MCTP2: variants seen among roughly 807,000 people sequenced by gnomAD.
MCTP2 encodes multiple C2 and transmembrane domain-containing protein 2.
Under a neutral mutation model 111.6 loss-of-function variants are expected in MCTP2, and 132 were observed. The observed-to-expected ratio is 1.18, with a 90% CI of 1.03 to 1.37. MCTP2 has a LOEUF of 1.37. Among genes scored for constraint, MCTP2 ranks in the 40% most tolerant of loss-of-function variants. The pLI is 0.00. For missense variants in MCTP2, 1,183 were observed against 1,067.9 expected, an observed-to-expected ratio of 1.11 and a Z score of -1.50; for synonymous variants, 395 against 387.7, an observed-to-expected ratio of 1.02 and a Z score of -0.22.
intron 12 of MCTP2, among the ~76,000 whole-genome samples, chr15:94,380,944 G>A (rs1285264484): frequency 6.6e-6 from 1 of 152,194 alleles, no homozygotes; most frequent in East Asian, 1.9e-4. Flanking sequence ...AATAGCAAAG[G>A]CTATTGAGTG....
In MCTP2 at chr15:94,482,784, C is replaced by T. The variant is rs1033495295; in HGVS notation, c.*3750C>T. The T allele has an allele frequency of 1.2e-4, 18 of 152,108 alleles. No individual in the cohort carries two copies. Among genetic ancestry groups the T allele is most frequent in the African/African-American group, 3.9e-4 (16 of 41,432 alleles). The allele number at this position is 152,108 out of a possible 1,614,324, so 9.4% of individuals were successfully genotyped here. On this transcript the variant is annotated 3_prime_UTR_variant, in exon 23 of 23. Transcript: ENST00000357742. ...AGTCAGTTAAGAGTGTAAATAGAAA[C>T]GGGTAAATACAGAGGAGAAAAACAG...
At chr15:94,422,790 T>A (rs1474793168) in intron 17 of MCTP2, among the ~76,000 whole-genome samples, 1 of 152,192 alleles carries the variant, frequency 6.6e-6, no homozygotes, top group Non-Finnish European at 1.5e-5. Flanking sequence ...GAAGCCTTTT[T>A]AAATTTTTAC....
intron 16 of MCTP2, 120 bp downstream of exon 16, chr15:94,400,115 C>A: frequency 2.6e-6 from 2 of 756,208 alleles, no homozygotes; most frequent in East Asian, 2.6e-5. Flanking sequence ...CCTCCTCTCT[C>A]CCTCTTGCCC....
chr15:94,382,816 T>C (rs1027456943), intron 12 of MCTP2, among the ~76,000 whole-genome samples: 8 of 152,254 alleles, frequency 5.3e-5, no homozygotes, highest in African/African-American at 1.9e-4. Context: ...AGTGCCAGTG[T>C]GCTGCAGACG....
rs1408111916 is a variant in MCTP2, at chr15:94,350,341, A to C, written c.1005+5177A>C. On this transcript the variant is annotated intron_variant, in intron 8 of 22. Coordinates refer to ENST00000357742, the MANE Select transcript of MCTP2 (RefSeq NM_001385001.1). ...GGTGGCTCATGCCTGTAATCCCAGC[A>C]CTTTGGGAGGCCGAGTCAGGTGGAT... Among the ~76,000 whole-genome samples the C allele has an allele frequency of 2.0e-5, 3 of 152,200 alleles. No individual in the cohort carries two copies. The East Asian group carries it at 5.8e-4, about 29-fold the overall frequency.
chr15:94,291,589 G>A (rs867236677), intron 1 of MCTP2, among the ~76,000 whole-genome samples: 45 of 149,328 alleles, frequency 3.0e-4, no homozygotes, highest in African/African-American at 5.9e-4. Context: ...CTACAAGAGC[G>A]AAACTCTGTC....
chr15:94,245,336 GTAGA>G (rs1292814054), intron 1 of MCTP2, among the ~76,000 whole-genome samples: 2 of 136,298 alleles, frequency 1.5e-5, no homozygotes, highest in Admixed American at 7.7e-5. Context: ...ATACATATGT[GTAGA>G]TATTTACATA....
At chr15:94,253,731 CTCT>C (rs989362017) in intron 1 of MCTP2, among the ~76,000 whole-genome samples, 9 of 145,964 alleles carry the variant, frequency 6.2e-5, no homozygotes, top group Non-Finnish European at 1.2e-4. Flanking sequence ...CTTAAAGTCT[CTCT>C]TTTTTTTTTT....
chr15:94,314,606 G>T (rs17712466), intron 3 of MCTP2: 169,246 of 541,960 alleles, frequency 0.31, 27,710 homozygotes, highest in Admixed American at 0.45. Flanking sequence ...GATAAAGCCA[G>T]TTTGAAGTGC....
intron 1 of MCTP2, chr15:94,273,613 A>G (rs990387200): frequency 4.4e-5 from 9 of 202,320 alleles, no homozygotes; most frequent in Non-Finnish European, 7.6e-5. Context: ...AGAGCTGAGC[A>G]GAAATACAAT....
chr15:94,285,685 A>G (rs1348782715), intron 1 of MCTP2, among the ~76,000 whole-genome samples: 1 of 152,204 alleles, frequency 6.6e-6, no homozygotes, highest in Non-Finnish European at 1.5e-5. Context: ...CCGAAACCCT[A>G]GCTCCTTCCT....
intron 4 of MCTP2, among the ~76,000 whole-genome samples, chr15:94,332,467 G>A (rs755527135): frequency 1.3e-5 from 2 of 152,030 alleles, no homozygotes; most frequent in South Asian, 2.1e-4. Context: ...AAATATATAC[G>A]TTTTATATGT....
intron 1 of MCTP2, among the ~76,000 whole-genome samples, chr15:94,234,362 T>C (rs1011816589): frequency 6.6e-6 from 1 of 152,246 alleles, no homozygotes; most frequent in Non-Finnish European, 1.5e-5. Context: ...TCTGCCTGTT[T>C]CTGTGGAGAT....
At chr15:94,402,346 A>T in intron 17 of MCTP2, 1 of 1,448,786 alleles carries the variant, frequency 6.9e-7, no homozygotes, top group Admixed American at 2.8e-5. Flanking sequence ...TGGCATCTGA[A>T]AAATCACAGG....
In MCTP2 at chr15:94,351,299, G is replaced by C. The variant is rs193137899; in HGVS notation, c.1006-4838G>C. On this transcript the variant is annotated intron_variant, in intron 8 of 22. Transcript: ENST00000357742. ...CTGCAGAGAAGAATTTTCCCTGGGAGCCTGTTCCATGGATGTATGGATCTT... is the reference window on the plus strand; with the variant it reads ...CTGCAGAGAAGAATTTTCCCTGGGACCCTGTTCCATGGATGTATGGATCTT... Among the ~76,000 whole-genome samples, 789 of 152,298 alleles carry C rather than the reference G, an allele frequency of 5.2e-3. 4 individuals are homozygous for C. The highest frequency in any genetic ancestry group is 8.4e-3 in the Non-Finnish European group (568 of 68,012).
chr15:94,276,040 T>G (rs574996240), intron 1 of MCTP2, among the ~76,000 whole-genome samples: 1 of 152,002 alleles, frequency 6.6e-6, no homozygotes, highest in African/African-American at 2.4e-5. Flanking sequence ...GAGATGGGAT[T>G]TCACCGTGTT....
chr15:94,418,467 G>C (rs536983329), intron 17 of MCTP2, among the ~76,000 whole-genome samples: 23 of 152,042 alleles, frequency 1.5e-4, no homozygotes, highest in Non-Finnish European at 2.4e-4. Context: ...ACTTTCAACT[G>C]CTCAATTACC....
At chr15:94,447,370 CATTT>C (rs768163792) in intron 19 of MCTP2, among the ~76,000 whole-genome samples, 2 of 151,946 alleles carry the variant, frequency 1.3e-5, no homozygotes, top group Non-Finnish European at 2.9e-5. Flanking sequence ...GTCTATAATT[CATTT>C]GTGTGTGTGT....
chr15:94,314,918 A>G (rs1008561354), intron 3 of MCTP2: 34 of 364,742 alleles, frequency 9.3e-5, no homozygotes, highest in African/African-American at 6.2e-4. Flanking sequence ...CCAGAGAATG[A>G]AAGAGAAGGG....
Sources: allele counts gnomAD v4.1 joint callset (sites outside exome capture counted in the v4.1 genomes callset), GRCh38; gene constraint gnomAD v4.1.1; transcripts MANE v1.5; gene names NCBI Gene and HGNC (gene_info 2026-07-23, HGNC 2026-07-21).